The following MAML3 variants were observed in gnomAD, a reference collection of about 807,000 sequenced individuals.
MAML3 encodes mastermind-like protein 3.
In MAML3, 27 loss-of-function variants were observed where a neutral mutation model predicts 101.9. That is an observed-to-expected ratio of 0.27 (90% CI 0.20 to 0.37). The LOEUF (loss-of-function observed/expected upper bound fraction) is 0.37. MAML3 is among the 10% of genes least tolerant of loss of function. MAML3 has a pLI of 1.00. For missense variants in MAML3, 1,316 were observed against 1,444.9 expected (o/e 0.91, Z 1.45); for synonymous variants, 501 against 555.9 (o/e 0.90, Z 1.39).
chr4:139,998,842 A>C (rs1445035508), intron 1 of MAML3, among the ~76,000 whole-genome samples: 4 of 151,656 alleles, frequency 2.6e-5, no homozygotes, highest in African/African-American at 7.3e-5. Flanking sequence ...TAAAAAAAAA[A>C]CTCTTCTTTT....
intron 1 of MAML3, among the ~76,000 whole-genome samples, chr4:140,073,824 G>C (rs1165519560): frequency 6.6e-6 from 1 of 152,050 alleles, no homozygotes; most frequent in Non-Finnish European, 1.5e-5. Context: ...TTGGAGCAGG[G>C]AGCAAAGTAA....
intron 2 of MAML3, among the ~76,000 whole-genome samples, chr4:139,765,404 T>C (rs1051096642): frequency 5.9e-5 from 9 of 152,240 alleles, no homozygotes; most frequent in Non-Finnish European, 1.2e-4. Flanking sequence ...AAAAAGGAAC[T>C]GCAATTAGGG....
chr4:139,783,257 C>A (rs1263944804), intron 2 of MAML3, among the ~76,000 whole-genome samples: 1 of 152,220 alleles, frequency 6.6e-6, no homozygotes, highest in Admixed American at 6.5e-5. Flanking sequence ...CTTCACCAGG[C>A]AGATGGCTAA....
At chr4:140,101,712 T>A (rs2110997001) in intron 1 of MAML3, among the ~76,000 whole-genome samples, 1 of 152,284 alleles carries the variant, frequency 6.6e-6, no homozygotes, top group East Asian at 1.9e-4. Flanking sequence ...GGTTATGGAC[T>A]GAAAACACCT....
At chr4:139,725,892 T>C (rs1004468379) in intron 3 of MAML3, 57 bp from the exon 4 acceptor site, 1 of 1,409,298 alleles carries the variant, frequency 7.1e-7, no homozygotes, top group Non-Finnish European at 1.0e-6. Flanking sequence ...AAGCACACAA[T>C]TCAATATCCC....
chr4:139,883,889 CTTTTTT>C (rs70943452), intron 2 of MAML3, among the ~76,000 whole-genome samples: 2 of 74,312 alleles, frequency 2.7e-5, no homozygotes. Context: ...AATTGCTTGT[CTTTTTT>C]TTTTTTTTTT....
intron 2 of MAML3, among the ~76,000 whole-genome samples, chr4:139,877,442 G>A (rs1318487073): frequency 6.6e-6 from 1 of 151,952 alleles, no homozygotes; most frequent in African/African-American, 2.4e-5. Flanking sequence ...ACTGTTTAAA[G>A]TGTGCTCCAA....
At chr4:139,969,308 C>T (rs1311782264) in intron 1 of MAML3, among the ~76,000 whole-genome samples, 4 of 151,764 alleles carry the variant, frequency 2.6e-5, no homozygotes, top group South Asian at 4.2e-4. Context: ...AGGCAGGGCA[C>T]GGGAAGAGAG....
intron 2 of MAML3, among the ~76,000 whole-genome samples, chr4:139,751,219 G>A (rs72730216): frequency 0.016 from 2,495 of 152,278 alleles, 31 homozygotes; most frequent in South Asian, 0.033. Context: ...TTTTCTAGGA[G>A]ACTACTATGA....
At chr4:140,071,452 C>T (rs1727650283) in intron 1 of MAML3, among the ~76,000 whole-genome samples, 1 of 152,206 alleles carries the variant, frequency 6.6e-6, no homozygotes, top group Admixed American at 6.5e-5. Context: ...CCCCTGTCCC[C>T]AGCCCTGCTA....
intron 2 of MAML3, among the ~76,000 whole-genome samples, chr4:139,805,583 T>A (rs1409857436): frequency 1.3e-5 from 2 of 152,178 alleles, no homozygotes; most frequent in African/African-American, 2.4e-5. Context: ...AATTAGAGAA[T>A]CTTTAAAAAA....
At chr4:139,969,162 G>C (rs1734191881) in intron 1 of MAML3, among the ~76,000 whole-genome samples, 1 of 151,724 alleles carries the variant, frequency 6.6e-6, no homozygotes, top group Non-Finnish European at 1.5e-5. Flanking sequence ...TTCCTGAGTG[G>C]AAGGGAGGGA....
chr4:139,790,066 G>A (rs948699664), intron 2 of MAML3, among the ~76,000 whole-genome samples: 14 of 151,544 alleles, frequency 9.2e-5, no homozygotes, highest in Admixed American at 9.2e-4. Flanking sequence ...TTTAACTAAC[G>A]ACTCTCTCAG....
chr4:140,129,350 C>T lies in MAML3; in HGVS notation c.468+23510G>A, dbSNP rs148912837. On this transcript the variant is annotated intron_variant, in intron 1 of 4. Coordinates refer to ENST00000509479, the MANE Select transcript of MAML3 (RefSeq NM_018717.5). ...CAAGTTGTCCCGTTTGAAGGTCAAA[C>T]CAAAATTCTACAAAGAAGGTGACTC... Among the ~76,000 whole-genome samples, 4 of 152,276 alleles carry T rather than the reference C, an allele frequency of 2.6e-5. No homozygotes were observed. In the East Asian group the frequency reaches 7.7e-4, roughly 29 times the overall value.
chr4:139,719,342 T>C lies in MAML3; in HGVS notation c.3398A>G (p.Glu1133Gly). 8.2e-6 allele frequency: 13 copies of C among 1,594,566 alleles called. No homozygotes were observed. The highest frequency in any genetic ancestry group is 1.1e-5 in the Non-Finnish European group (13 of 1,168,136). The change falls in exon 5 of 5, where the codon GAA becomes GGA. Residue 1133 changes from glutamate to glycine, a missense_variant. Glu to Gly is a moderately conservative substitution (Grantham distance 98, BLOSUM62 -2). Transcript: ENST00000509479. ...PGDEWMQELD[E>G]LFGNP ...TCTTGATTAGGGGTTACCAAACAAT[T>C]CATCAAGCTCCTGCATCCACTCGTC... is the stretch of plus-strand genomic sequence containing the variant.
chr4:139,889,887 T>C lies in MAML3; in HGVS notation c.1549A>G (p.Asn517Asp). 6.2e-7 allele frequency: 1 copy of C among 1,612,554 alleles called. No individual in the cohort carries two copies. The highest frequency in any genetic ancestry group is 2.3e-5 in the East Asian group (1 of 44,398). Residue 517 changes from asparagine (N) to aspartate (D), a missense_variant, in exon 2 of 5, where the codon AAT becomes GAT. Asn to Asp is a conservative substitution (Grantham distance 23). Transcript: ENST00000509479. ...GAGGGAGGTCCTAAGGGAGACCAATTTGAAGTCTGATTTGAGTGCTGTTGC... is the reference window on the plus strand; with the variant it reads ...GAGGGAGGTCCTAAGGGAGACCAATCTGAAGTCTGATTTGAGTGCTGTTGC... ...QQQQHSNQTS[N>D]WSPLGPPSSP...
At chr4:139,821,908 T>A (rs139692056) in intron 2 of MAML3, among the ~76,000 whole-genome samples, 1,537 of 152,352 alleles carry the variant, frequency 0.01, 12 homozygotes, top group African/African-American at 0.021. Flanking sequence ...CTTACTTTTT[T>A]AAATGATTAT....
At chr4:140,087,096 G>T (rs1727965824) in intron 1 of MAML3, among the ~76,000 whole-genome samples, 1 of 152,214 alleles carries the variant, frequency 6.6e-6, no homozygotes, top group South Asian at 2.1e-4. Flanking sequence ...GGAGGTGGAG[G>T]TTGCAGTGAG....
At chr4:139,803,870 G>T (rs1336583899) in intron 2 of MAML3, among the ~76,000 whole-genome samples, 2 of 152,158 alleles carry the variant, frequency 1.3e-5, no homozygotes, top group African/African-American at 4.8e-5. Flanking sequence ...CACAACTGTT[G>T]AGTCCAGAGC....
Sources: gnomAD v4.1 joint callset for allele counts (sites outside exome capture counted in the v4.1 genomes callset) on GRCh38, gnomAD v4.1.1 for gene constraint, MANE v1.5 for transcripts, NCBI Gene and HGNC (gene_info 2026-07-23, HGNC 2026-07-21) for gene names.